PIGN: variants seen among roughly 807,000 people sequenced by gnomAD.
PIGN encodes phosphatidylinositol glycan anchor biosynthesis class N.
In PIGN, 117 loss-of-function variants were observed where a neutral mutation model predicts 125.4. The observed-to-expected ratio is 0.93, with a 90% CI of 0.80 to 1.09. The LOEUF (loss-of-function observed/expected upper bound fraction) is 1.09. Ranked by LOEUF, PIGN falls within the 50% of genes least tolerant of loss-of-function variation. The probability of loss-of-function intolerance (pLI) is 0.00; values close to 1 mark genes in which losing one functional copy is unlikely to be tolerated. For missense variants in PIGN, 1,075 were observed against 1,094.9 expected, an observed-to-expected ratio of 0.98 and a Z score of 0.26; for synonymous variants, 392 against 377.8, an observed-to-expected ratio of 1.04 and a Z score of -0.44.
intron 30 of PIGN, among the ~76,000 whole-genome samples, chr18:62,060,702 T>A (rs2032069828): frequency 6.6e-6 from 1 of 152,198 alleles, no homozygotes; most frequent in African/African-American, 2.4e-5. Flanking sequence ...AAAGTCCAAA[T>A]GAAGACTGCC....
intron 16 of PIGN, chr18:62,112,421 G>C (rs564164430): frequency 1.3e-5 from 2 of 152,250 alleles, no homozygotes; most frequent in South Asian, 2.1e-4. Context: ...CAAAGGAAAT[G>C]AAAGTGGCAT....
chr18:62,118,399 GA>G (rs1165526925), intron 14 of PIGN: 1 of 151,678 alleles, frequency 6.6e-6, no homozygotes, highest in African/African-American at 2.4e-5. Context: ...AAATAAATTT[GA>G]AGGTACCAAA....
Position 62,045,669 on chromosome 18 carries a change from A to G in PIGN, c.*187T>C, listed in dbSNP as rs2030615702. On this transcript the variant is annotated 3_prime_UTR_variant, in exon 31 of 31. Coordinates refer to ENST00000640252, the MANE Select transcript of PIGN (RefSeq NM_176787.5). ...GATATAATCACTATTTCATGCCTGC[A>G]AAACCTAGAAAAAAAAAGAAGCTCC... 2.2e-6 allele frequency: 1 copy of G among 461,210 alleles called. No individual in the cohort carries two copies. Among genetic ancestry groups the G allele is most frequent in the Non-Finnish European group, 3.7e-6 (1 of 269,460 alleles). 28.6% of individuals were successfully genotyped at this position (461,210 alleles called of 1,614,324 possible).
chr18:62,176,464 C>T (rs1294710252), intron 1 of PIGN, among the ~76,000 whole-genome samples: 1 of 151,822 alleles, frequency 6.6e-6, no homozygotes, highest in Non-Finnish European at 1.5e-5. Context: ...GGGAAAAATA[C>T]TAACAATGGA....
At chr18:62,072,795 T>C (rs2032961163) in intron 29 of PIGN, 70 bp from the exon 30 acceptor site, 1 of 1,160,168 alleles carries the variant, frequency 8.6e-7, no homozygotes, top group South Asian at 1.5e-5. Flanking sequence ...AAAGCTATTT[T>C]AGGACTGTAT....
rs777424425 is a variant in PIGN at position 62,049,550 on chromosome 18, G to GT, written c.2673-3572dup. Among the ~76,000 whole-genome samples, 974 of 151,404 alleles carry GT rather than the reference G, an allele frequency of 6.4e-3. 5 individuals carry two copies. The highest frequency in any genetic ancestry group is 0.016 in the African/African-American group (650 of 41,392). ...CCTTCGCCCACTTTTTGATGGGGTT[G>GT]TTTTTTTCTTGTAAATTTGTTTGAG... On this transcript the variant is annotated intron_variant, in intron 30 of 30. Transcript: ENST00000640252.
chr18:62,057,204 C>T (rs946175965), intron 30 of PIGN, among the ~76,000 whole-genome samples: 2 of 152,148 alleles, frequency 1.3e-5, no homozygotes, highest in Non-Finnish European at 2.9e-5. Flanking sequence ...TTCTAACTCT[C>T]CCAAGATCCC....
intron 23 of PIGN, among the ~76,000 whole-genome samples, chr18:62,021,894 T>C (rs1343657567): frequency 6.6e-6 from 1 of 152,210 alleles, no homozygotes; most frequent in Non-Finnish European, 1.5e-5. Flanking sequence ...TCCAAGTTCA[T>C]TTGAGGTGTT....
intron 23 of PIGN, among the ~76,000 whole-genome samples, chr18:62,022,546 A>G (rs2030065152): frequency 6.6e-6 from 1 of 152,232 alleles, no homozygotes; most frequent in African/African-American, 2.4e-5. Flanking sequence ...GACTATAAAA[A>G]TGACTGCAAG....
intron 1 of PIGN, among the ~76,000 whole-genome samples, chr18:62,167,462 T>A (rs111772472): frequency 0.035 from 5,321 of 151,010 alleles, 319 homozygotes; most frequent in African/African-American, 0.12. Flanking sequence ...TGAAACCCCA[T>A]CTCTACTAAA....
chr18:62,056,527 G>A (rs1020669957), intron 30 of PIGN, among the ~76,000 whole-genome samples: 5 of 149,460 alleles, frequency 3.3e-5, no homozygotes, highest in Admixed American at 6.6e-5. Flanking sequence ...TTTTTAAACC[G>A]AGAAAATACT....
chr18:62,084,473 A>G lies in PIGN; in HGVS notation c.2502+58T>C. The stretch of plus-strand genomic sequence containing the variant: ...ATTGCTACTTAACTCTGTCTAAATG[A>G]CTTTATAATCTTAATCAATCAATAG... On this transcript the variant is annotated intron_variant, in intron 27 of 30. Coordinates refer to ENST00000640252, the MANE Select transcript of PIGN (RefSeq NM_176787.5). 8.1e-6 allele frequency: 9 copies of G among 1,107,246 alleles called. No individual in the cohort carries two copies. In the South Asian group the frequency reaches 1.3e-4, roughly 16 times the overall value. 68.6% of individuals were successfully genotyped at this position (1,107,246 alleles called of 1,614,324 possible).
In PIGN at chr18:62,169,058, T is replaced by C. The variant is rs983630893; in HGVS notation, c.-235-5402A>G. ...TTAGTAGAGAGAGGGTTTTGCCATG[T>C]TGGCCAGGCTGGTCTTGGAACTCCT... is the stretch of plus-strand genomic sequence containing the variant. On this transcript the variant is annotated intron_variant, in intron 1 of 30. Transcript: ENST00000640252. Among the ~76,000 whole-genome samples, 4 of 152,138 alleles carry C rather than the reference T, an allele frequency of 2.6e-5. 1 individual carries two copies. The highest frequency in any genetic ancestry group is 2.6e-4 in the Admixed American group (4 of 15,272).
At chr18:62,135,166 T>C (rs1043105068) in intron 14 of PIGN, among the ~76,000 whole-genome samples, 5 of 152,238 alleles carry the variant, frequency 3.3e-5, no homozygotes, top group African/African-American at 7.2e-5. Flanking sequence ...AGTACCTTTC[T>C]ACATTTTGCA....
At chr18:62,078,512 T>C (rs183919523) in intron 28 of PIGN, among the ~76,000 whole-genome samples, 9 of 152,342 alleles carry the variant, frequency 5.9e-5, no homozygotes, top group Admixed American at 4.6e-4. Context: ...TCAGAGGCCT[T>C]CAGCATCTTC....
chr18:62,152,480 T>C (rs62096068), intron 7 of PIGN, among the ~76,000 whole-genome samples: 45,510 of 151,744 alleles, frequency 0.3, 7,943 homozygotes, highest in East Asian at 0.56. Flanking sequence ...AGAAAGTCCA[T>C]TGAGATAGTT....
intron 14 of PIGN, among the ~76,000 whole-genome samples, chr18:62,120,863 T>C (rs1022518842): frequency 2.0e-5 from 3 of 151,912 alleles, no homozygotes; most frequent in Admixed American, 2.0e-4. Context: ...TTATAGTAAG[T>C]ATAAATGGTC....
chr18:62,136,913 C>T, intron 14 of PIGN: 1 of 392,722 alleles, frequency 2.5e-6, no homozygotes, highest in Non-Finnish European at 4.5e-6. Context: ...ACAGCAAAAT[C>T]TGCTGCTCAC....
chr18:62,106,776 T>C lies in PIGN; in HGVS notation c.1767+13A>G, dbSNP rs757574195. The C allele has an allele frequency of 2.5e-6, 4 of 1,569,842 alleles. No individual in the cohort carries two copies. Among genetic ancestry groups the C allele is most frequent in the South Asian group, 1.1e-5 (1 of 87,188 alleles). On this transcript the variant is annotated intron_variant, in intron 19 of 30. Coordinates refer to ENST00000640252, the MANE Select transcript of PIGN (RefSeq NM_176787.5). Reference sequence around the variant, plus strand: ...GTTACTAATCTGTCCTATGTCAAAATGAGTACTCATACCTTTGCTCGAGTC... The same window carrying C: ...GTTACTAATCTGTCCTATGTCAAAACGAGTACTCATACCTTTGCTCGAGTC...
Sources: gnomAD v4.1 joint callset for allele counts (sites outside exome capture counted in the v4.1 genomes callset) on GRCh38, gnomAD v4.1.1 for gene constraint, MANE v1.5 for transcripts, NCBI Gene and HGNC (gene_info 2026-07-23, HGNC 2026-07-21) for gene names.